HDAC8: variants seen among roughly 807,000 people sequenced by gnomAD.
The protein encoded by HDAC8 is histone deacetylase-like 1.
A neutral mutation model predicts 32.2 loss-of-function variants in HDAC8; 1 was observed. The observed-to-expected ratio is 0.03, with a 90% CI of 0.01 to 0.15. The LOEUF (loss-of-function observed/expected upper bound fraction) is 0.15. Ranked by LOEUF, HDAC8 falls within the 10% of genes least tolerant of loss-of-function variation. HDAC8 has a pLI of 1.00. For missense variants in HDAC8, 117 were observed against 300.0 expected (o/e 0.39, Z 4.51); for synonymous variants, 108 against 113.9 (o/e 0.95, Z 0.33).
At position 72,568,786 on chromosome X, in the gene HDAC8, T is replaced by G; in HGVS notation, c.263A>C (p.Asp88Ala). 8.3e-7 allele frequency: 1 copy of G among 1,211,948 alleles called. No individual in the cohort carries two copies. Among genetic ancestry groups the G allele is most frequent in the African/African-American group, 1.7e-5 (1 of 57,905 alleles). The change falls in exon 3 of 11, where the codon GAT (aspartate) becomes GCT (alanine). Residue 88 changes from aspartate to alanine, a missense_variant. Asp to Ala is a moderately radical substitution (Grantham distance 126). Around this residue, in one of 4 missense-constraint regions of HDAC8, gnomAD observed 57 missense variants for 182.0 expected, o/e 0.31. Transcript: ENST00000373573. Reference sequence around the variant, plus strand: ...ATATTCTATGGAGTCCGGATGATCATCATCGCCCTCTTGGCTGACCTTCTG... The same window carrying G: ...ATATTCTATGGAGTCCGGATGATCAGCATCGCCCTCTTGGCTGACCTTCTG... ...HLQKVSQEGD[D>A]DHPDSIEYGL...
intron 2 of HDAC8, 186 bp downstream of exon 2, chrX:72,571,871 C>T (rs192758726): frequency 5.4e-5 from 22 of 407,503 alleles, no homozygotes; most frequent in African/African-American, 4.0e-4. Context: ...CTCGGCCCCC[C>T]AAGTTTTCTT....
chrX:72,539,963 A>G (rs1445233911), intron 4 of HDAC8, among the ~76,000 whole-genome samples: 1 of 112,338 alleles, frequency 8.9e-6, no homozygotes, highest in Non-Finnish European at 1.9e-5. Flanking sequence ...GTGGGGTCAA[A>G]CAAGCCCAGA....
chrX:72,354,670 A>T (rs979995781), intron 9 of HDAC8, among the ~76,000 whole-genome samples: 2 of 111,741 alleles, frequency 1.8e-5, no homozygotes, highest in African/African-American at 6.5e-5. Context: ...AGCTTCATTT[A>T]AAAAAAATTT....
At chrX:72,429,221 T>C (rs781933726) in intron 9 of HDAC8, among the ~76,000 whole-genome samples, 1 of 110,811 alleles carries the variant, frequency 9.0e-6, no homozygotes, top group South Asian at 3.9e-4. Context: ...ATAAAAAAAG[T>C]TTATAAGGCC....
chrX:72,439,361 A>G (rs782627096), intron 9 of HDAC8, among the ~76,000 whole-genome samples: 1 of 111,622 alleles, frequency 9.0e-6, no homozygotes, highest in African/African-American at 3.3e-5. Flanking sequence ...GCAAAAACAT[A>G]CCAAATTGTA....
At chrX:72,530,708 C>T (rs1234936740) in intron 4 of HDAC8, among the ~76,000 whole-genome samples, 3 of 111,334 alleles carry the variant, frequency 2.7e-5, no homozygotes, top group Non-Finnish European at 5.7e-5. Context: ...TACCTACCTA[C>T]CTACCTACAT....
chrX:72,515,387 T>C (rs958695418), intron 4 of HDAC8, among the ~76,000 whole-genome samples: 9 of 110,712 alleles, frequency 8.1e-5, no homozygotes, highest in African/African-American at 3.0e-4. Flanking sequence ...TAATATTCCA[T>C]TGTGAATATA....
chrX:72,382,888 A>G (rs2045304116), intron 9 of HDAC8, among the ~76,000 whole-genome samples: 1 of 112,150 alleles, frequency 8.9e-6, no homozygotes, highest in African/African-American at 3.2e-5. Context: ...TTGTGATATG[A>G]GAATTATATC....
intron 10 of HDAC8, among the ~76,000 whole-genome samples, chrX:72,334,376 T>G (rs974096036): frequency 3.6e-5 from 4 of 112,150 alleles, no homozygotes; most frequent in Non-Finnish European, 7.5e-5. Context: ...CCTTTTTTCT[T>G]AACTCTGCCA....
At chrX:72,338,686 AAT>A (rs10632030) in intron 10 of HDAC8, among the ~76,000 whole-genome samples, 5,390 of 92,197 alleles carry the variant, frequency 0.058, 330 homozygotes, top group East Asian at 0.36. Context: ...TATATATACA[AAT>A]ATATATATAT....
chrX:72,345,613 G>A (rs2044005142), intron 10 of HDAC8, among the ~76,000 whole-genome samples: 1 of 111,464 alleles, frequency 9.0e-6, no homozygotes, highest in Non-Finnish European at 1.9e-5. Flanking sequence ...GGTTTTCATG[G>A]TTTCTTAAAA....
intron 9 of HDAC8, among the ~76,000 whole-genome samples, chrX:72,386,864 C>G (rs139591102): frequency 2.3e-4 from 26 of 111,738 alleles, no homozygotes; most frequent in African/African-American, 7.8e-4. Context: ...AAGCCAAGTC[C>G]CTAAATGCTG....
intron 7 of HDAC8, among the ~76,000 whole-genome samples, chrX:72,477,564 C>T (rs1556001182): frequency 1.8e-5 from 2 of 111,938 alleles, no homozygotes; most frequent in African/African-American, 6.5e-5. Flanking sequence ...CCTGGTGCAG[C>T]TCATCAAAAT....
At chrX:72,441,522 C>G (rs782026419) in intron 9 of HDAC8, among the ~76,000 whole-genome samples, 50 of 111,696 alleles carry the variant, frequency 4.5e-4, no homozygotes, top group Admixed American at 4.4e-3. Context: ...ACATCCACAC[C>G]AAAAACCCAT....
At chrX:72,351,179 A>G in intron 10 of HDAC8, 1 of 176,284 alleles carries the variant, frequency 5.7e-6, no homozygotes, top group East Asian at 2.3e-4. Flanking sequence ...GGCTCACTGC[A>G]GCCTCAACCT....
intron 4 of HDAC8, among the ~76,000 whole-genome samples, chrX:72,540,606 G>A (rs1443391572): frequency 9.1e-6 from 1 of 109,970 alleles, no homozygotes; most frequent in African/African-American, 3.3e-5. Flanking sequence ...CATCCTGACT[G>A]CTTGACTTTG....
intron 6 of HDAC8, among the ~76,000 whole-genome samples, chrX:72,490,170 T>C (rs1353128970): frequency 1.8e-5 from 2 of 109,699 alleles, no homozygotes; most frequent in Non-Finnish European, 3.8e-5. Context: ...GTAAACTAGA[T>C]CAACCCTTGT....
At chrX:72,513,151 A>G (rs922230510) in intron 4 of HDAC8, among the ~76,000 whole-genome samples, 1 of 111,287 alleles carries the variant, frequency 9.0e-6, no homozygotes, top group Non-Finnish European at 1.9e-5. Context: ...TTTGTGCTCC[A>G]GCAGTTTATT....
intron 9 of HDAC8, among the ~76,000 whole-genome samples, chrX:72,458,363 T>C (rs1341127152): frequency 1.8e-5 from 2 of 112,531 alleles, no homozygotes; most frequent in Non-Finnish European, 3.7e-5. Flanking sequence ...ATGAGCGCTA[T>C]ACTTGAAGTC....
Sources: gnomAD v4.1 joint callset for allele counts (sites outside exome capture counted in the v4.1 genomes callset) on GRCh38, gnomAD v4.1.1 for gene constraint, gnomAD v4.1.1 regional missense constraint, MANE v1.5 for transcripts, NCBI Gene and HGNC (gene_info 2026-07-23, HGNC 2026-07-21) for gene names.